The following TMEM132C variants were observed in gnomAD, a reference collection of about 807,000 sequenced individuals.
TMEM132C encodes protein phosphatase 1, regulatory subunit 152.
In TMEM132C, 29 loss-of-function variants were observed where a neutral mutation model predicts 61.4. The ratio of observed to expected loss-of-function variants is 0.47; its 90% CI spans 0.35 to 0.64. The LOEUF (loss-of-function observed/expected upper bound fraction) is 0.64. Among genes scored for constraint, TMEM132C ranks in the 30% least tolerant of loss-of-function variants. TMEM132C has a pLI of 0.00. For synonymous variants in TMEM132C, 656 were observed against 633.1 expected (o/e 1.04, Z -0.54); for missense variants, 1,408 against 1,476.9 (o/e 0.95, Z 0.76).
chr12:128,445,933 T>G (rs1869966073), intron 2 of TMEM132C, among the ~76,000 whole-genome samples: 1 of 151,932 alleles, frequency 6.6e-6, no homozygotes, highest in South Asian at 2.1e-4. Flanking sequence ...AATAATTGAG[T>G]CATAATGAAC....
chr12:128,456,830 G>A (rs991817991), intron 2 of TMEM132C, among the ~76,000 whole-genome samples: 4 of 152,096 alleles, frequency 2.6e-5, no homozygotes, highest in African/African-American at 9.7e-5. Flanking sequence ...TCTGCTCCAT[G>A]CCGAAGCAAC....
intron 1 of TMEM132C, among the ~76,000 whole-genome samples, chr12:128,298,744 C>T (rs1405518847): frequency 1.3e-5 from 2 of 152,224 alleles, no homozygotes; most frequent in East Asian, 1.9e-4. Context: ...CTTTGATCCA[C>T]ATCTACTCAT....
At chr12:128,349,418 A>C (rs1873270213) in intron 1 of TMEM132C, among the ~76,000 whole-genome samples, 1 of 152,194 alleles carries the variant, frequency 6.6e-6, no homozygotes. Context: ...GAATCCTTCA[A>C]GCTTGGTGCC....
chr12:128,286,146 T>C (rs1408476941), intron 1 of TMEM132C, among the ~76,000 whole-genome samples: 7 of 152,000 alleles, frequency 4.6e-5, no homozygotes, highest in Non-Finnish European at 8.8e-5. Flanking sequence ...ACACGCATGC[T>C]TTCATGGAGG....
chr12:128,391,750 C>T (rs1874770227), intron 1 of TMEM132C, among the ~76,000 whole-genome samples: 1 of 152,304 alleles, frequency 6.6e-6, no homozygotes, highest in African/African-American at 2.4e-5. Context: ...TGCCAAGTGG[C>T]AGAAACAGGA....
chr12:128,299,654 G>T (rs1429510433), intron 1 of TMEM132C, among the ~76,000 whole-genome samples: 2 of 152,232 alleles, frequency 1.3e-5, no homozygotes, highest in Non-Finnish European at 2.9e-5. Flanking sequence ...TTTTCGTATA[G>T]AGAGAACTTT....
chr12:128,698,607 G>A (rs56108676), intron 8 of TMEM132C, among the ~76,000 whole-genome samples: 12 of 152,348 alleles, frequency 7.9e-5, no homozygotes, highest in Non-Finnish European at 1.5e-4. Context: ...GCTGGCACAT[G>A]CCAGCCAGTG....
chr12:128,480,415 G>A (rs369686633), intron 2 of TMEM132C, among the ~76,000 whole-genome samples: 7 of 152,064 alleles, frequency 4.6e-5, no homozygotes, highest in East Asian at 3.9e-4. Flanking sequence ...GTAAGCTTGC[G>A]CCCAAAGTCT....
intron 1 of TMEM132C, among the ~76,000 whole-genome samples, chr12:128,366,245 T>C (rs1225933203): frequency 6.6e-6 from 1 of 152,156 alleles, no homozygotes; most frequent in South Asian, 2.1e-4. Context: ...CTGCTTTTCC[T>C]TTTTTACCTC....
At chr12:128,655,010 A>C (rs1180092775) in intron 4 of TMEM132C, among the ~76,000 whole-genome samples, 1 of 152,164 alleles carries the variant, frequency 6.6e-6, no homozygotes, top group African/African-American at 2.4e-5. Flanking sequence ...GTCGCAGAGG[A>C]AATGAGGGGA....
intron 2 of TMEM132C, among the ~76,000 whole-genome samples, chr12:128,529,875 A>G (rs1198916423): frequency 2.0e-5 from 3 of 152,206 alleles, no homozygotes; most frequent in Non-Finnish European, 2.9e-5. Flanking sequence ...CCAGTTACAG[A>G]AAAACAGTAT....
At chr12:128,567,397 T>C (rs1238038345) in intron 3 of TMEM132C, among the ~76,000 whole-genome samples, 1 of 150,654 alleles carries the variant, frequency 6.6e-6, no homozygotes, top group Non-Finnish European at 1.5e-5. Context: ...TGAAAGTTGC[T>C]AAGAGAGATC....
At chr12:128,677,414 T>C (rs986192734) in intron 5 of TMEM132C, among the ~76,000 whole-genome samples, 1 of 151,714 alleles carries the variant, frequency 6.6e-6, no homozygotes, top group Non-Finnish European at 1.5e-5. Context: ...AGAAAATGCA[T>C]GAGAATCTTA....
At chr12:128,464,905 G>T (rs541997053) in intron 2 of TMEM132C, among the ~76,000 whole-genome samples, 2 of 152,158 alleles carry the variant, frequency 1.3e-5, no homozygotes, top group South Asian at 4.1e-4. Flanking sequence ...ACCACTTAGG[G>T]ACAACGGTGA....
intron 1 of TMEM132C, among the ~76,000 whole-genome samples, chr12:128,339,165 A>G (rs1296934662): frequency 2.6e-5 from 4 of 151,884 alleles, no homozygotes; most frequent in Admixed American, 1.3e-4. Context: ...AAAGCACTGG[A>G]GGTCAGCCCC....
chr12:128,477,253 CT>C (rs1482688822), intron 2 of TMEM132C, among the ~76,000 whole-genome samples: 2 of 152,166 alleles, frequency 1.3e-5, no homozygotes, highest in Non-Finnish European at 2.9e-5. Context: ...GGTAGATGCA[CT>C]TTGCACTGTA....
intron 1 of TMEM132C, among the ~76,000 whole-genome samples, chr12:128,388,879 T>C (rs985851600): frequency 6.6e-6 from 1 of 152,210 alleles, no homozygotes; most frequent in Non-Finnish European, 1.5e-5. Flanking sequence ...GTTTCACACG[T>C]AGCTTGAGGA....
rs1041557177 is a variant in TMEM132C at position 128,564,131 on chromosome 12, G to A, written c.1121+20028G>A. Among the ~76,000 whole-genome samples, 19 of 152,224 alleles carry A rather than the reference G, an allele frequency of 1.2e-4. 1 individual carries two copies. The highest frequency in any genetic ancestry group is 4.6e-4 in the African/African-American group (19 of 41,452). ...CCTTGCGCCTCACATGGCAGAGAGA[G>A]CATTCCGGGCTCTTTATCTCCTCAT... On this transcript the variant is annotated intron_variant, in intron 3 of 8. Transcript: ENST00000435159.
intron 3 of TMEM132C, 34 bp downstream of exon 3, chr12:128,544,137 TC>T (rs1873862259): frequency 6.8e-7 from 1 of 1,473,290 alleles, no homozygotes. Flanking sequence ...CGTGTGTGGT[TC>T]CTGGTCCCGG....
Sources: gnomAD v4.1 joint callset for allele counts (sites outside exome capture counted in the v4.1 genomes callset) on GRCh38, gnomAD v4.1.1 for gene constraint, MANE v1.5 for transcripts, NCBI Gene and HGNC (gene_info 2026-07-23, HGNC 2026-07-21) for gene names.